PARD3: variants seen among roughly 807,000 people sequenced by gnomAD.
PARD3 encodes the protein par-3 family cell polarity regulator.
In PARD3, 75 loss-of-function variants were observed where a neutral mutation model predicts 155.4. The ratio of observed to expected loss-of-function variants is 0.48; its 90% CI spans 0.40 to 0.58. PARD3 has a LOEUF of 0.58. PARD3 is among the 20% of genes least tolerant of loss of function. The pLI is 0.00. For synonymous variants in PARD3, 576 were observed against 610.5 expected, an observed-to-expected ratio of 0.94 and a Z score of 0.83; for missense variants, 1,642 against 1,721.7, an observed-to-expected ratio of 0.95 and a Z score of 0.82.
intron 2 of PARD3, among the ~76,000 whole-genome samples, chr10:34,636,103 G>C (rs1468843190): frequency 6.6e-6 from 1 of 152,000 alleles, no homozygotes; most frequent in Non-Finnish European, 1.5e-5. Flanking sequence ...AAGGAAGACG[G>C]AAGGAAGAAG....
chr10:34,552,147 T>C (rs2084630776), intron 2 of PARD3, among the ~76,000 whole-genome samples: 1 of 152,232 alleles, frequency 6.6e-6, no homozygotes, highest in Non-Finnish European at 1.5e-5. Flanking sequence ...AGTCTCACTC[T>C]GTCACCCAAG....
intron 22 of PARD3, among the ~76,000 whole-genome samples, chr10:34,164,960 T>A (rs1045456987): frequency 1.3e-5 from 2 of 152,162 alleles, no homozygotes; most frequent in African/African-American, 4.8e-5. Flanking sequence ...ACCTGTCACT[T>A]CAGCCAACTG....
intron 5 of PARD3, among the ~76,000 whole-genome samples, chr10:34,412,277 C>A (rs1845166497): frequency 6.6e-6 from 1 of 152,040 alleles, no homozygotes; most frequent in African/African-American, 2.4e-5. Flanking sequence ...AGCCATTAAT[C>A]CCGTAGATAT....
chr10:34,580,344 T>A (rs2087324696), intron 2 of PARD3, among the ~76,000 whole-genome samples: 2 of 151,232 alleles, frequency 1.3e-5, no homozygotes, highest in African/African-American at 2.4e-5. Flanking sequence ...ACATGACGAA[T>A]CCCCGTCTCT....
At chr10:34,654,862 G>A (rs145265257) in intron 2 of PARD3, among the ~76,000 whole-genome samples, 283 of 152,132 alleles carry the variant, frequency 1.9e-3, no homozygotes, top group African/African-American at 6.3e-3. Flanking sequence ...CATTGCCATC[G>A]CTCCGTGACT....
intron 1 of PARD3, among the ~76,000 whole-genome samples, chr10:34,755,063 G>T (rs192378731): frequency 1.3e-5 from 2 of 152,054 alleles, no homozygotes; most frequent in Non-Finnish European, 2.9e-5. Context: ...GCCAAAAATC[G>T]ACATTTTCAA....
intron 1 of PARD3, among the ~76,000 whole-genome samples, chr10:34,716,614 CAG>C (rs1024250832): frequency 1.2e-5 from 1 of 83,004 alleles, no homozygotes; most frequent in African/African-American, 4.1e-5. Flanking sequence ...TTTTTTGAGA[CAG>C]AGTTTTGCTC....
chr10:34,814,179 A>C (rs1354182443), intron 1 of PARD3, among the ~76,000 whole-genome samples: 2 of 152,154 alleles, frequency 1.3e-5, no homozygotes, highest in African/African-American at 4.8e-5. Flanking sequence ...AGCAAGTGGG[A>C]TCAGCTCAGT....
intron 21 of PARD3, among the ~76,000 whole-genome samples, 181 bp downstream of exon 21, chr10:34,283,954 G>T (rs1222028975): frequency 1.4e-5 from 2 of 148,034 alleles, no homozygotes; most frequent in Non-Finnish European, 1.5e-5. Flanking sequence ...ATACATATAA[G>T]GTTTTTTTTT....
chr10:34,316,744 G>T (rs1958032019), intron 20 of PARD3, among the ~76,000 whole-genome samples: 1 of 152,094 alleles, frequency 6.6e-6, no homozygotes, highest in Non-Finnish European at 1.5e-5. Flanking sequence ...TTACATGGTT[G>T]GCAAGATATA....
At chr10:34,295,732 A>G (rs1281233905) in intron 20 of PARD3, among the ~76,000 whole-genome samples, 1 of 152,250 alleles carries the variant, frequency 6.6e-6, no homozygotes, top group African/African-American at 2.4e-5. Context: ...CACTGGGGAC[A>G]GTATATACAC....
intron 24 of PARD3, among the ~76,000 whole-genome samples, chr10:34,115,711 T>C (rs11009648): frequency 0.028 from 4,114 of 148,268 alleles, 65 homozygotes; most frequent in Middle Eastern, 0.064. Flanking sequence ...ATAATTTTTT[T>C]CTTTTTTTTT....
chr10:34,532,865 A>G (rs2082953241), intron 2 of PARD3, among the ~76,000 whole-genome samples: 1 of 152,194 alleles, frequency 6.6e-6, no homozygotes, highest in African/African-American at 2.4e-5. Flanking sequence ...GTCACTTAAC[A>G]ACAGGGATAC....
intron 1 of PARD3, among the ~76,000 whole-genome samples, chr10:34,753,031 C>G (rs1398142585): frequency 1.3e-5 from 2 of 152,364 alleles, no homozygotes; most frequent in Admixed American, 1.3e-4. Flanking sequence ...GCCAAGGCAG[C>G]AGGCTAAAGC....
Position 34,610,495 on chromosome 10 carries a change from T to C in PARD3, c.222+85823A>G, listed in dbSNP as rs570485001. 3.9e-5 allele frequency among the ~76,000 whole-genome samples: 6 copies of C among 152,234 alleles called. No individual in the cohort carries two copies. In the South Asian group the frequency reaches 8.3e-4, roughly 21 times the overall value. On this transcript the variant is annotated intron_variant, in intron 2 of 24. Transcript: ENST00000374788. Reference sequence around the variant, plus strand: ...TAGAGCAGTTAGGAAGATGACCCAGTAACCCAAAAAGGGTTACGTGTGGAC... The same window carrying C: ...TAGAGCAGTTAGGAAGATGACCCAGCAACCCAAAAAGGGTTACGTGTGGAC...
At chr10:34,692,736 T>C (rs2094091603) in intron 2 of PARD3, among the ~76,000 whole-genome samples, 1 of 152,266 alleles carries the variant, frequency 6.6e-6, no homozygotes, top group South Asian at 2.1e-4. Context: ...TAGCCGGGCA[T>C]GGTGGCGGGC....
chr10:34,594,676 C>T (rs1430886209), intron 2 of PARD3, among the ~76,000 whole-genome samples: 1 of 152,012 alleles, frequency 6.6e-6, no homozygotes, highest in African/African-American at 2.4e-5. Context: ...ACAAAATATA[C>T]AAAAATTAGC....
At chr10:34,273,662 G>A (rs1018696988) in intron 21 of PARD3, among the ~76,000 whole-genome samples, 7 of 152,106 alleles carry the variant, frequency 4.6e-5, no homozygotes, top group Non-Finnish European at 7.4e-5. Flanking sequence ...TGGATGAAGG[G>A]TACATAGGAC....
chr10:34,748,943 G>A (rs367786691), intron 1 of PARD3, among the ~76,000 whole-genome samples: 4 of 152,194 alleles, frequency 2.6e-5, no homozygotes, highest in Non-Finnish European at 2.9e-5. Context: ...TGGGCCACAG[G>A]CCCTTCACAG....
Sources: allele counts gnomAD v4.1 joint callset (sites outside exome capture counted in the v4.1 genomes callset), GRCh38; gene constraint gnomAD v4.1.1; transcripts MANE v1.5; gene names NCBI Gene and HGNC (gene_info 2026-07-23, HGNC 2026-07-21).